KIF3C: variants seen among roughly 807,000 people sequenced by gnomAD.
KIF3C encodes the protein kinesin family member 3C.
In KIF3C, 12 loss-of-function variants were observed where a neutral mutation model predicts 67.7. The observed-to-expected ratio is 0.18, with a 90% CI of 0.11 to 0.29. The LOEUF is 0.29. Among genes scored for constraint, KIF3C ranks in the 10% least tolerant of loss-of-function variants. The pLI is 1.00. For synonymous variants in KIF3C, 393 were observed against 426.2 expected (o/e 0.92, Z 0.96); for missense variants, 789 against 1,059.6 (o/e 0.74, Z 3.55).
chr2:25,962,913 ATATATAT>A lies in KIF3C; in HGVS notation c.1546-6476_1546-6470del, dbSNP rs1396351498. 9.8e-5 allele frequency among the ~76,000 whole-genome samples: 5 copies of A among 51,102 alleles called. 1 individual carries two copies. Among genetic ancestry groups the A allele is most frequent in the African/African-American group, 4.9e-4 (4 of 8,186 alleles). The allele number at this position is 51,102 out of a possible 152,430, so 33.5% of individuals were successfully genotyped here. On this transcript the variant is annotated intron_variant, in intron 1 of 7. Transcript: ENST00000264712. The stretch of plus-strand genomic sequence containing the variant: ...TAATATAAAATATATATAATATATA[ATATATAT>A]AATATATAATACATATAATATATAA...
At chr2:25,948,779 A>G (rs980367964) in intron 5 of KIF3C, among the ~76,000 whole-genome samples, 3 of 151,842 alleles carry the variant, frequency 2.0e-5, no homozygotes, top group Non-Finnish European at 4.4e-5. Flanking sequence ...ATTCATAATC[A>G]TTATGCAGAA....
intron 1 of KIF3C, among the ~76,000 whole-genome samples, chr2:25,976,558 G>T (rs1036020951): frequency 6.6e-6 from 1 of 152,018 alleles, no homozygotes. Context: ...TCAGGAGATC[G>T]AGACCAGCCT....
intron 3 of KIF3C, among the ~76,000 whole-genome samples, chr2:25,954,712 G>C (rs1335161643): frequency 6.6e-6 from 1 of 152,090 alleles, no homozygotes; most frequent in Non-Finnish European, 1.5e-5. Flanking sequence ...AGGAAGCCAG[G>C]CACAGACTTG....
rs1197420729 is a variant in KIF3C at position 25,928,503 on chromosome 2, TC to T, written c.*474del. ...CCCAACACTGTCAGGATGTCTCTTGTCCTCAGGGAACACCAAGCAGTCTCCC... is the reference window on the plus strand; with the variant it reads ...CCCAACACTGTCAGGATGTCTCTTGTCTCAGGGAACACCAAGCAGTCTCCC... On this transcript the variant is annotated 3_prime_UTR_variant, in exon 8 of 8. Transcript: ENST00000264712. The T allele has an allele frequency of 6.5e-6, 1 of 154,680 alleles. No individual in the cohort carries two copies. Among genetic ancestry groups the T allele is most frequent in the East Asian group, 1.9e-4 (1 of 5,222 alleles). The allele number at this position is 154,680 out of a possible 1,614,324, so 9.6% of individuals were successfully genotyped here.
rs750665698 is a variant in KIF3C, at chr2:25,981,109, C to T, written c.809G>A (p.Gly270Asp). 6.2e-7 allele frequency: 1 copy of T among 1,614,250 alleles called. No individual in the cohort carries two copies. Residue 270 changes from glycine to aspartate, a missense_variant, in exon 1 of 8, where the codon GGT (glycine) becomes GAT (aspartate). Physicochemically the swap from Gly to Asp is moderately conservative, Grantham distance 94. Around this residue, in one of 2 missense-constraint regions of KIF3C, gnomAD observed 648 missense variants for 807.8 expected, o/e 0.80. Coordinates refer to ENST00000264712, the MANE Select transcript of KIF3C (RefSeq NM_002254.8). The surrounding 1 kb of genome is among the most constrained non-coding windows in gnomAD (Gnocchi z 8.2). ...ACTGCCTCCACCGCCACCACCGCCA[C>T]CCGAGGATGGTGTGGCTGCCCCTCC... is the stretch of plus-strand genomic sequence containing the variant. ...TAGGAATPSS[G>D]GGGGGGGSGG...
intron 1 of KIF3C, among the ~76,000 whole-genome samples, chr2:25,966,529 A>G (rs1047117501): frequency 6.6e-6 from 1 of 152,250 alleles, no homozygotes; most frequent in African/African-American, 2.4e-5. Context: ...CTACAGGGAC[A>G]ATGCCAGCTT....
chr2:25,981,188 G>A lies in KIF3C; in HGVS notation c.730C>T (p.Leu244Phe). The A allele has an allele frequency of 1.2e-6, 2 of 1,614,116 alleles. No individual in the cohort carries two copies. Among genetic ancestry groups the A allele is most frequent in the Non-Finnish European group, 1.7e-6 (2 of 1,180,032 alleles). Residue 244 changes from leucine to phenylalanine, a missense_variant, in exon 1 of 8, where the codon CTC becomes TTC. By Grantham distance (22) the Leu-to-Phe change is conservative (BLOSUM62 0). Coordinates refer to ENST00000264712, the MANE Select transcript of KIF3C (RefSeq NM_002254.8). The surrounding 1 kb of genome is among the most constrained non-coding windows in gnomAD (Gnocchi z 8.2). ...QDHIRVGKLN[L>F]VDLAGSERQN... ...CTCTCGCTGCCAGCCAGGTCCACGA[G>A]GTTGAGCTTGCCCACTCGGATGTGG... is the stretch of plus-strand genomic sequence containing the variant.
At chr2:25,948,596 G>C (rs1559551344) in intron 5 of KIF3C, among the ~76,000 whole-genome samples, 2 of 146,852 alleles carry the variant, frequency 1.4e-5, no homozygotes, top group African/African-American at 5.1e-5. Flanking sequence ...AAGGGAGAAA[G>C]AGAAAGAAAG....
chr2:25,936,554 T>C (rs1009449232), intron 5 of KIF3C, among the ~76,000 whole-genome samples: 2 of 152,238 alleles, frequency 1.3e-5, no homozygotes, highest in Admixed American at 6.5e-5. Context: ...TATGTATCTG[T>C]ATGCCTGCCA....
chr2:25,930,180 G>A (rs2090447476), intron 5 of KIF3C, 117 bp from the exon 6 acceptor site: 1 of 754,002 alleles, frequency 1.3e-6, no homozygotes, highest in African/African-American at 1.7e-5. Context: ...GCAAGTTCTG[G>A]AATTTTCTTC....
chr2:25,942,663 G>T (rs1039251762), intron 5 of KIF3C, among the ~76,000 whole-genome samples: 24 of 152,130 alleles, frequency 1.6e-4, no homozygotes, highest in African/African-American at 5.8e-4. Context: ...GCCCGCCTTG[G>T]CCTCCCAAAG....
chr2:25,929,536 A>T, intron 6 of KIF3C, 59 bp from the exon 7 acceptor site: 2 of 1,498,014 alleles, frequency 1.3e-6, no homozygotes, highest in South Asian at 1.1e-5. Flanking sequence ...CCTTCTAGGG[A>T]CTCAGCCAGT....
intron 1 of KIF3C, among the ~76,000 whole-genome samples, chr2:25,971,053 AC>A (rs1369416867): frequency 6.6e-6 from 1 of 151,772 alleles, no homozygotes; most frequent in African/African-American, 2.4e-5. Flanking sequence ...CGGGCGGATC[AC>A]AAGGTCAGGA....
chr2:25,949,088 A>T (rs1663523623), intron 5 of KIF3C, among the ~76,000 whole-genome samples: 1 of 152,196 alleles, frequency 6.6e-6, no homozygotes, highest in African/African-American at 2.4e-5. Context: ...AAATTTCCTG[A>T]GTTTGATCAT....
At chr2:25,967,039 C>A (rs1023454499) in intron 1 of KIF3C, among the ~76,000 whole-genome samples, 2 of 152,210 alleles carry the variant, frequency 1.3e-5, no homozygotes, top group Non-Finnish European at 1.5e-5. Flanking sequence ...TGTTCCATGG[C>A]TTTCTTCCAG....
At position 25,954,308 on chromosome 2, in the gene KIF3C, C is replaced by G; in HGVS notation, c.1848G>C (p.Leu616=). Residue 616 remains leucine (L), a synonymous_variant, in exon 4 of 8, where the codon CTG becomes CTC. Coordinates refer to ENST00000264712, the MANE Select transcript of KIF3C (RefSeq NM_002254.8). Reference sequence around the variant, plus strand: ...GGGTCTGCTCGTTCTGCGCCTCCTCCAGGTCCTGCCGCACGCGGATATACT... The same window carrying G: ...GGGTCTGCTCGTTCTGCGCCTCCTCGAGGTCCTGCCGCACGCGGATATACT... The part of the protein sequence containing the change: ...HDEYIRVRQD[L]EEAQNEQTRE... 6.2e-7 allele frequency: 1 copy of G among 1,614,158 alleles called. No homozygotes were observed. The highest frequency in any genetic ancestry group is 8.5e-7 in the Non-Finnish European group (1 of 1,180,032).
At chr2:25,975,026 C>CAAAAA (rs1196962529) in intron 1 of KIF3C, among the ~76,000 whole-genome samples, 1 of 116,518 alleles carries the variant, frequency 8.6e-6, no homozygotes, top group African/African-American at 3.6e-5. Flanking sequence ...AACTCCATCT[C>CAAAAA]AAAAAAAAAA....
Position 25,928,776 on chromosome 2 carries a change from A to C in KIF3C, c.*202T>G, listed in dbSNP as rs1222334667. On this transcript the variant is annotated 3_prime_UTR_variant, in exon 8 of 8. Coordinates refer to ENST00000264712, the MANE Select transcript of KIF3C (RefSeq NM_002254.8). ...GAGGGCATCTCCCCAACACGAACAG[A>C]GCTCCGCGAATAAATAACATGAATT... 5 of 541,530 alleles carry C rather than the reference A, an allele frequency of 9.2e-6. No individual in the cohort carries two copies. Among genetic ancestry groups the C allele is most frequent in the Non-Finnish European group, 1.6e-5 (5 of 303,724 alleles). The allele number at this position is 541,530 out of a possible 1,614,324, so 33.5% of individuals were successfully genotyped here. A position where few individuals can be genotyped will look rare whatever the true frequency, so the allele number is the denominator to read the frequency against.
chr2:25,941,547 G>A (rs1663282258), intron 5 of KIF3C, among the ~76,000 whole-genome samples: 1 of 148,976 alleles, frequency 6.7e-6, no homozygotes, highest in Non-Finnish European at 1.5e-5. Context: ...GTGAAACCCT[G>A]TCTCTATTTA....
Sources: gnomAD v4.1 joint callset for allele counts (sites outside exome capture counted in the v4.1 genomes callset) on GRCh38, gnomAD v4.1.1 for gene constraint, gnomAD v4.1.1 regional missense constraint, Gnocchi (gnomAD v3.1) non-coding constraint, MANE v1.5 for transcripts, NCBI Gene and HGNC (gene_info 2026-07-23, HGNC 2026-07-21) for gene names.